Variants in SSUH2 observed in about 807,000 individuals in gnomAD.
The protein encoded by SSUH2 is protein SSUH2 homolog.
In SSUH2, 47 loss-of-function variants were observed where a neutral mutation model predicts 55.3. That is an observed-to-expected ratio of 0.85 (90% CI 0.67 to 1.08). SSUH2 has a LOEUF of 1.08. SSUH2 is among the 50% of genes least tolerant of loss of function. The pLI, the probability that SSUH2 is intolerant of heterozygous loss-of-function variation, is 0.00. For missense variants in SSUH2, 535 were observed against 490.7 expected (o/e 1.09, Z -0.85); for synonymous variants, 212 against 191.5 (o/e 1.11, Z -0.89).
At chr3:8,665,521 C>A (rs1189345919) in intron 5 of SSUH2, among the ~76,000 whole-genome samples, 1 of 152,192 alleles carries the variant, frequency 6.6e-6, no homozygotes, top group African/African-American at 2.4e-5. Context: ...GGTAGTCTGA[C>A]TCAGACTCAA....
Position 8,656,438 on chromosome 3 carries a change from T to A in SSUH2, c.-307+2487A>T, listed in dbSNP as rs111814252. 3.4e-3 allele frequency among the ~76,000 whole-genome samples: 520 copies of A among 152,358 alleles called. 2 individuals are homozygous for A. The highest frequency in any genetic ancestry group is 0.012 in the African/African-American group (487 of 41,578). ...CCCAACCTGGCACAAAACCTGCTTA[T>A]GGATTGAGCGTTCCAATTCTTGGAC... is the stretch of plus-strand genomic sequence containing the variant. On this transcript the variant is annotated intron_variant, in intron 7 of 18. Coordinates refer to the SSUH2 transcript ENST00000317371.
rs1268775449 is a variant in SSUH2 at position 8,633,659 on chromosome 3, C to G, written c.339+7G>C. On this transcript the variant is annotated splice_region_variant and intron_variant, in intron 4 of 11. Coordinates refer to ENST00000544814, the MANE Select transcript of SSUH2 (RefSeq NM_001256748.3). ...GCCAAGGCCCCCCACCGGCCCTGGC[C>G]TCTCACCCTGCAGAGGGTCTGCCGC... 3 of 1,512,322 alleles carry G rather than the reference C, an allele frequency of 2.0e-6. No homozygotes were observed. Among genetic ancestry groups the G allele is most frequent in the African/African-American group, 2.8e-5 (2 of 71,720 alleles). The allele number at this position is 1,512,322 out of a possible 1,614,324, so 93.7% of individuals were successfully genotyped here. A position where few individuals can be genotyped will look rare whatever the true frequency, so the allele number is the denominator to read the frequency against.
chr3:8,654,094 G>A (rs760600762), intron 7 of SSUH2, among the ~76,000 whole-genome samples: 1 of 152,174 alleles, frequency 6.6e-6, no homozygotes, highest in Non-Finnish European at 1.5e-5. Context: ...CAAGATCAGG[G>A]TGCCAGCATG....
chr3:8,652,394 C>T (rs1361045818), intron 7 of SSUH2, among the ~76,000 whole-genome samples: 1 of 152,172 alleles, frequency 6.6e-6, no homozygotes, highest in African/African-American at 2.4e-5. Context: ...GTCAAGCAAA[C>T]CTTTGTGTCA....
chr3:8,666,720 G>A (rs114675353), intron 5 of SSUH2, among the ~76,000 whole-genome samples: 4,314 of 152,234 alleles, frequency 0.028, 221 homozygotes, highest in African/African-American at 0.098. Flanking sequence ...GATTTACCCG[G>A]GCATAACGTC....
intron 7 of SSUH2, 68 bp downstream of exon 7, chr3:8,629,596 C>CT: frequency 1.0e-6 from 1 of 991,600 alleles, no homozygotes; most frequent in Non-Finnish European, 1.5e-6. Flanking sequence ...CCAGCCCAGC[C>CT]CGCTGTCCCC....
intron 1 of SSUH2, among the ~76,000 whole-genome samples, chr3:8,681,608 C>T (rs1287886278): frequency 1.3e-5 from 2 of 148,560 alleles, no homozygotes; most frequent in Non-Finnish European, 3.0e-5. Context: ...TCTTTTCCCC[C>T]GGCTCTTGGG....
intron 1 of SSUH2, 101 bp downstream of exon 1, chr3:8,644,630 A>C: frequency 9.7e-7 from 1 of 1,035,184 alleles, no homozygotes; most frequent in Non-Finnish European, 1.5e-6. Flanking sequence ...GACTATGGAT[A>C]CATAACTTCC....
chr3:8,672,505 C>T (rs1339675615), intron 3 of SSUH2, among the ~76,000 whole-genome samples: 1 of 152,046 alleles, frequency 6.6e-6, no homozygotes, highest in South Asian at 2.1e-4. Context: ...AGAACAATAT[C>T]ACAGACTGGA....
intron 7 of SSUH2, among the ~76,000 whole-genome samples, chr3:8,656,979 C>G (rs1230903418): frequency 6.6e-6 from 1 of 152,232 alleles, no homozygotes; most frequent in African/African-American, 2.4e-5. Context: ...CTCCCAGGTT[C>G]AAGTGATTCT....
At chr3:8,676,771 G>A (rs1275404594) in intron 3 of SSUH2, among the ~76,000 whole-genome samples, 1 of 148,320 alleles carries the variant, frequency 6.7e-6, no homozygotes, top group Non-Finnish European at 1.5e-5. Context: ...CTGGATCTCA[G>A]GACCTCATCG....
intron 1 of SSUH2, among the ~76,000 whole-genome samples, chr3:8,642,033 T>G (rs1200838982): frequency 5.3e-5 from 8 of 152,120 alleles, no homozygotes; most frequent in Non-Finnish European, 7.4e-5. Context: ...CAGGAACTCA[T>G]GCCCAGGAGT....
chr3:8,671,706 G>T (rs1386066045), intron 4 of SSUH2, among the ~76,000 whole-genome samples: 2 of 152,120 alleles, frequency 1.3e-5, no homozygotes, highest in African/African-American at 2.4e-5. Flanking sequence ...TTTAGTAGCG[G>T]CATGTTGCTA....
chr3:8,671,505 G>A (rs969048713), intron 4 of SSUH2, among the ~76,000 whole-genome samples: 3 of 152,052 alleles, frequency 2.0e-5, no homozygotes, highest in East Asian at 3.9e-4. Flanking sequence ...AACCTGCCCC[G>A]TGTGACAATA....
At position 8,625,624 on chromosome 3, in the gene SSUH2, A is replaced by G. The variant is rs1697377934; in HGVS notation, c.791T>C (p.Val264Ala). The G allele has an allele frequency of 6.2e-7, 1 of 1,613,606 alleles. No individual in the cohort carries two copies. Among genetic ancestry groups the G allele is most frequent in the Admixed American group, 1.7e-5 (1 of 59,998 alleles). The change falls in exon 10 of 12, where the codon GTG becomes GCG. Residue 264 changes from valine (V) to alanine (A), a missense_variant. Val to Ala is a moderately conservative substitution (Grantham distance 64). Coordinates refer to ENST00000544814, the MANE Select transcript of SSUH2 (RefSeq NM_001256748.3). Reference sequence around the variant, plus strand: ...GGGGCAGTTGAGCCGGTGCTCAGACACAAACTCAAACAAGCTGTTCTTCCT... The same window carrying G: ...GGGGCAGTTGAGCCGGTGCTCAGACGCAAACTCAAACAAGCTGTTCTTCCT... ...IMWKNSLFEF[V>A]SEHRLNCPRE...
In SSUH2 at chr3:8,627,452, A is replaced by G. The variant is rs1697823582; in HGVS notation, c.674+246T>C. 7.8e-6 allele frequency: 3 copies of G among 383,548 alleles called. No individual in the cohort carries two copies. In the Admixed American group the frequency reaches 1.4e-4, roughly 17 times the overall value. The allele number at this position is 383,548 out of a possible 1,614,324, so 23.8% of individuals were successfully genotyped here. On this transcript the variant is annotated intron_variant, in intron 8 of 11. Transcript: ENST00000544814. ...CCCCGTCCCTGTGTTTCCTCCCTGC[A>G]GTGGCTCTTTCTTCACACTCTTTCC...
chr3:8,649,600 G>T (rs1311920220), upstream of SSUH2, among the ~76,000 whole-genome samples: 1 of 151,996 alleles, frequency 6.6e-6, no homozygotes, highest in East Asian at 1.9e-4. Context: ...TGAACTTCTG[G>T]TCTCCACCTG....
intron 5 of SSUH2, among the ~76,000 whole-genome samples, chr3:8,665,643 C>A (rs544036792): frequency 3.6e-4 from 55 of 152,274 alleles, no homozygotes; most frequent in Admixed American, 2.8e-3. Context: ...CCAAAGTCCC[C>A]CCCGTTCACC....
rs76959963 is a variant in SSUH2, at chr3:8,657,947, C to T, written c.-307+978G>A. Among the ~76,000 whole-genome samples, 677 of 152,366 alleles carry T rather than the reference C, an allele frequency of 4.4e-3. 3 individuals are homozygous for T. The highest frequency in any genetic ancestry group is 0.015 in the African/African-American group (623 of 41,580). ...CTGCATAGCCCTGCATGGGCAGGAC[C>T]GTAGGCACCCTTCTCCCCACGACAA... is the stretch of plus-strand genomic sequence containing the variant. On this transcript the variant is annotated intron_variant, in intron 7 of 18. Coordinates refer to the SSUH2 transcript ENST00000317371.
Sources: gnomAD v4.1 joint callset for allele counts (sites outside exome capture counted in the v4.1 genomes callset) on GRCh38, gnomAD v4.1.1 for gene constraint, MANE v1.5 for transcripts, NCBI Gene and HGNC (gene_info 2026-07-23, HGNC 2026-07-21) for gene names.